NRG4: variants seen among roughly 807,000 people sequenced by gnomAD.
NRG4 encodes the protein neuregulin 4.
A neutral mutation model predicts 15.0 loss-of-function variants in NRG4; 10 were observed. The observed-to-expected ratio is 0.67, with a 90% CI of 0.41 to 1.13. The LOEUF is 1.13. Ranked by LOEUF, NRG4 falls within the 50% of genes most tolerant of loss-of-function variation. NRG4 has a pLI of 0.00. For missense variants in NRG4, 139 were observed against 140.2 expected (o/e 0.99, Z 0.04); for synonymous variants, 41 against 50.1 (o/e 0.82, Z 0.77).
intron 3 of NRG4, among the ~76,000 whole-genome samples, chr15:75,976,221 A>G (rs2033360360): frequency 6.6e-6 from 1 of 152,142 alleles, no homozygotes; most frequent in South Asian, 2.1e-4. Flanking sequence ...TGGTTCTTCC[A>G]GTTAGCAGTT....
At position 75,941,113 on chromosome 15, in the gene NRG4, A is replaced by C. The variant is rs746646656; in HGVS notation, c.*2525T>G. On this transcript the variant is annotated 3_prime_UTR_variant, in exon 6 of 6. Transcript: ENST00000394907. ...ACAACAGTGTAAAAACCTGATTTAA[A>C]AAATGGCAAAGGATTTGGATAGATC... is the stretch of plus-strand genomic sequence containing the variant. The C allele has an allele frequency of 6.6e-6, 1 of 152,210 alleles. No individual in the cohort carries two copies. The highest frequency in any genetic ancestry group is 1.5e-5 in the Non-Finnish European group (1 of 68,004). 9.4% of individuals were successfully genotyped at this position (152,210 alleles called of 1,614,324 possible).
chr15:75,974,498 G>A (rs1249618390), intron 3 of NRG4, among the ~76,000 whole-genome samples: 3 of 152,106 alleles, frequency 2.0e-5, no homozygotes, highest in Admixed American at 1.3e-4. Context: ...TGCATTTAGC[G>A]CTATAAATTG....
At chr15:76,016,492 C>T (rs959685235), upstream of NRG4, among the ~76,000 whole-genome samples, 1 of 152,204 alleles carries the variant, frequency 6.6e-6, no homozygotes, top group East Asian at 1.9e-4. Context: ...AAATTTCCCT[C>T]TAAACACTGC....
At chr15:76,001,710 T>C (rs1037148273) in intron 3 of NRG4, among the ~76,000 whole-genome samples, 1 of 152,234 alleles carries the variant, frequency 6.6e-6, no homozygotes, top group African/African-American at 2.4e-5. Context: ...GAAGTTTAGA[T>C]AAGGGCTTAC....
chr15:76,033,279 G>C (rs752766795), intron 5 of NRG4, among the ~76,000 whole-genome samples: 4 of 152,160 alleles, frequency 2.6e-5, no homozygotes, highest in Non-Finnish European at 5.9e-5. Flanking sequence ...TTCCCGGCCA[G>C]TTGTGGTGGC....
In NRG4 at chr15:75,961,922, A is replaced by C; in HGVS notation, c.157T>G (p.Ser53Ala). The change falls in exon 4 of 6, where the codon TCC becomes GCC. Residue 53 changes from serine to alanine, a missense_variant. Physicochemically the swap from Ser to Ala is moderately conservative, Grantham distance 99. Coordinates refer to ENST00000394907, the MANE Select transcript of NRG4 (RefSeq NM_138573.4). ...AGGTTACTTTTAGTTTGGATGCTGG[A>C]GCCTGGGAGAAAAACCTCTTCACAA... ...ARCEEVFLPGSSIQTKSNLFE... is the reference protein window; with the variant it reads ...ARCEEVFLPGASIQTKSNLFE... 1 of 1,613,634 alleles carries C rather than the reference A, an allele frequency of 6.2e-7. No individual in the cohort carries two copies. Among genetic ancestry groups the C allele is most frequent in the Middle Eastern group, 1.7e-4 (1 of 6,058 alleles).
chr15:75,949,314 G>C (rs2031738739), intron 5 of NRG4, among the ~76,000 whole-genome samples: 1 of 151,102 alleles, frequency 6.6e-6, no homozygotes, highest in Non-Finnish European at 1.5e-5. Flanking sequence ...GGGAGGCTGA[G>C]ACACAAGAAT....
intron 5 of NRG4, chr15:75,951,198 C>T (rs1290721910): frequency 8.9e-6 from 1 of 112,970 alleles, no homozygotes; most frequent in Non-Finnish European, 1.6e-5. Flanking sequence ...GACGGAGTCT[C>T]ACTCTGTTGC....
intron 4 of NRG4, among the ~76,000 whole-genome samples, chr15:76,038,942 G>A (rs1199249253): frequency 1.3e-5 from 2 of 152,200 alleles, no homozygotes; most frequent in Non-Finnish European, 2.9e-5. Context: ...GAGAAAGTAA[G>A]GGAAGAGAAT....
At chr15:76,026,734 T>A (rs1027734501) in intron 5 of NRG4, among the ~76,000 whole-genome samples, 1 of 151,876 alleles carries the variant, frequency 6.6e-6, no homozygotes, top group African/African-American at 2.4e-5. Flanking sequence ...AAAACAAACA[T>A]AAAAACAGAA....
In NRG4 at chr15:75,991,857, TTTAG is replaced by T. The variant is rs548127683; in HGVS notation, c.104+17339_104+17342del. Among the ~76,000 whole-genome samples the T allele has an allele frequency of 2.5e-3, 377 of 152,232 alleles. 1 individual carries two copies. Among genetic ancestry groups the T allele is most frequent in the Non-Finnish European group, 3.4e-3 (228 of 67,984 alleles). On this transcript the variant is annotated intron_variant, in intron 3 of 5. Coordinates refer to ENST00000394907, the MANE Select transcript of NRG4 (RefSeq NM_138573.4). ...ACACAATCTGTCTTTAGTTGGCAAG[TTTAG>T]TTAGTTTACATTTAATAAAATTAAT...
At chr15:76,058,221 T>A (rs898129052) in intron 1 of NRG4, among the ~76,000 whole-genome samples, 3 of 152,200 alleles carry the variant, frequency 2.0e-5, no homozygotes, top group African/African-American at 7.2e-5. Flanking sequence ...CCTCCATTAA[T>A]TTTTCTTAAC....
chr15:75,981,738 G>C (rs930904911), intron 3 of NRG4, among the ~76,000 whole-genome samples: 1 of 152,058 alleles, frequency 6.6e-6, no homozygotes, highest in African/African-American at 2.4e-5. Context: ...CTGATTTTTA[G>C]GGTTGTTTTT....
chr15:75,979,101 G>A (rs940936707), intron 3 of NRG4, among the ~76,000 whole-genome samples: 10 of 151,928 alleles, frequency 6.6e-5, no homozygotes, highest in African/African-American at 2.4e-4. Flanking sequence ...CTGTTCCTTT[G>A]CTGAGCAGAA....
intron 4 of NRG4, among the ~76,000 whole-genome samples, chr15:76,050,597 A>AT (rs35228253): frequency 0.025 from 2,692 of 108,938 alleles, 63 homozygotes; most frequent in African/African-American, 0.029. Flanking sequence ...CGCTCGGCTA[A>AT]TTTTTTTTTT....
intron 5 of NRG4, among the ~76,000 whole-genome samples, chr15:76,033,806 C>T (rs1482287163): frequency 6.6e-6 from 1 of 152,194 alleles, no homozygotes; most frequent in Non-Finnish European, 1.5e-5. Flanking sequence ...CCTGTCTGAC[C>T]CTTTTATCAG....
At chr15:76,028,242 CAA>C (rs1256271196) in intron 5 of NRG4, among the ~76,000 whole-genome samples, 2 of 150,870 alleles carry the variant, frequency 1.3e-5, no homozygotes, top group African/African-American at 2.4e-5. Flanking sequence ...AAAAGATAAA[CAA>C]AATTGACAAA....
upstream of NRG4, chr15:76,059,888 C>T (rs2036254705): frequency 7.0e-6 from 1 of 142,542 alleles, no homozygotes; most frequent in Non-Finnish European, 1.5e-5. Context: ...CCCCCGAGCG[C>T]GGTGGGCGGA....
In NRG4 at chr15:75,943,334, T is replaced by C. The variant is rs1210809416; in HGVS notation, c.*304A>G. ...TCATATATCCCTTAGGGTTTCTCTC[T>C]AGGTGTGTGAACATTTGCCTCTGGT... is the stretch of plus-strand genomic sequence containing the variant. On this transcript the variant is annotated 3_prime_UTR_variant, in exon 6 of 6. Coordinates refer to ENST00000394907, the MANE Select transcript of NRG4 (RefSeq NM_138573.4). The C allele has an allele frequency of 2.7e-6, 1 of 368,580 alleles. No individual in the cohort carries two copies. The highest frequency in any genetic ancestry group is 4.7e-5 in the East Asian group (1 of 21,144). 22.8% of individuals were successfully genotyped at this position (368,580 alleles called of 1,614,324 possible).
Sources: allele counts gnomAD v4.1 joint callset (sites outside exome capture counted in the v4.1 genomes callset), GRCh38; gene constraint gnomAD v4.1.1; transcripts MANE v1.5; gene names NCBI Gene and HGNC (gene_info 2026-07-23, HGNC 2026-07-21).